The following SPATA17 variants were observed in gnomAD, a reference collection of about 807,000 sequenced individuals.
The protein encoded by SPATA17 is spermatogenesis-associated protein 17.
A neutral mutation model predicts 62.2 loss-of-function variants in SPATA17; 53 were observed. The observed-to-expected ratio is 0.85, with a 90% CI of 0.68 to 1.07. SPATA17 has a LOEUF of 1.07. Among genes scored for constraint, SPATA17 ranks in the 50% least tolerant of loss-of-function variants. The probability of loss-of-function intolerance (pLI) is 0.00; values close to 1 mark genes in which losing one functional copy is unlikely to be tolerated. For missense variants in SPATA17, 466 were observed against 425.5 expected (o/e 1.10, Z -0.84); for synonymous variants, 146 against 146.8 (o/e 0.99, Z 0.04).
At chr1:217,792,577 A>C (rs536432104) in intron 8 of SPATA17, among the ~76,000 whole-genome samples, 4 of 152,338 alleles carry the variant, frequency 2.6e-5, no homozygotes, top group Admixed American at 6.5e-5. Context: ...CCAGCTCTAG[A>C]ACCCACAGCT....
At chr1:217,704,331 A>C (rs1461507998) in intron 5 of SPATA17, among the ~76,000 whole-genome samples, 1 of 139,400 alleles carries the variant, frequency 7.2e-6, no homozygotes, top group African/African-American at 2.7e-5. Context: ...GCTCACTGCA[A>C]GCTCCGCTTC....
At chr1:217,684,322 T>A (rs1460597125) in intron 5 of SPATA17, among the ~76,000 whole-genome samples, 1 of 152,188 alleles carries the variant, frequency 6.6e-6, no homozygotes, top group Non-Finnish European at 1.5e-5. Context: ...TACATTTTGA[T>A]AAAAAAGAAA....
At chr1:217,845,668 GAAATTC>G in intron 9 of SPATA17, among the ~76,000 whole-genome samples, 1 of 152,020 alleles carries the variant, frequency 6.6e-6, no homozygotes. Flanking sequence ...TGCCCTATAA[GAAATTC>G]AATTTTAACG....
At chr1:217,722,309 A>G (rs1243725672) in intron 5 of SPATA17, among the ~76,000 whole-genome samples, 5 of 152,192 alleles carry the variant, frequency 3.3e-5, no homozygotes, top group African/African-American at 4.8e-5. Context: ...TTGAAGTAGT[A>G]ATATTTAACA....
chr1:217,662,012 C>T (rs1670582855), intron 3 of SPATA17, among the ~76,000 whole-genome samples: 1 of 152,052 alleles, frequency 6.6e-6, no homozygotes, highest in African/African-American at 2.4e-5. Context: ...GCAATAGTAC[C>T]ACAAAAATGT....
At chr1:217,752,707 G>C (rs1434691243) in intron 6 of SPATA17, among the ~76,000 whole-genome samples, 1 of 152,118 alleles carries the variant, frequency 6.6e-6, no homozygotes, top group African/African-American at 2.4e-5. Context: ...TTACACATCT[G>C]AAAGTTGGAA....
intron 3 of SPATA17, among the ~76,000 whole-genome samples, chr1:217,665,125 T>A (rs1281831874): frequency 6.6e-6 from 1 of 152,178 alleles, no homozygotes; most frequent in African/African-American, 2.4e-5. Context: ...GTAGTTCTCA[T>A]TTGTCCCCCA....
At position 217,683,284 on chromosome 1, in the gene SPATA17, G is replaced by A. The variant is rs12068167; in HGVS notation, c.318G>A (p.Arg106=). 259,037 of 1,603,578 alleles carry A rather than the reference G, an allele frequency of 0.16. 22,482 individuals carry two copies. The highest frequency in any genetic ancestry group is 0.29 in the African/African-American group (21,268 of 74,158). ...VRIQRRWRGY[R]VRKYLFNYYY... ...TTCAGAGACGATGGCGAGGCTATAG[G>A]GTTCGGAAGTACCTCTTTAATTATT... The change falls in exon 5 of 11, where the codon AGG becomes AGA. Residue 106 remains arginine (R), a synonymous_variant. Transcript: ENST00000366933.
At chr1:217,700,762 C>CA (rs774089881) in intron 5 of SPATA17, among the ~76,000 whole-genome samples, 1 of 134,822 alleles carries the variant, frequency 7.4e-6, no homozygotes, top group Non-Finnish European at 1.6e-5. Context: ...TTTTCTTTTT[C>CA]TTTTTTTTTT....
intron 5 of SPATA17, among the ~76,000 whole-genome samples, chr1:217,716,444 TA>T (rs1672005622): frequency 1.3e-5 from 2 of 152,166 alleles, no homozygotes; most frequent in Non-Finnish European, 2.9e-5. Context: ...AACTTAATTT[TA>T]AAGTCACAAT....
chr1:217,754,083 T>A (rs988218253), intron 6 of SPATA17, among the ~76,000 whole-genome samples: 1 of 151,608 alleles, frequency 6.6e-6, no homozygotes, highest in African/African-American at 2.4e-5. Context: ...AAAAAAAAAA[T>A]TATCCAGGCA....
At chr1:217,824,769 A>G (rs1418748375) in intron 9 of SPATA17, among the ~76,000 whole-genome samples, 3 of 151,036 alleles carry the variant, frequency 2.0e-5, no homozygotes, top group African/African-American at 7.2e-5. Flanking sequence ...CATTAATTTC[A>G]TACCTATGTG....
intron 3 of SPATA17, among the ~76,000 whole-genome samples, chr1:217,664,203 T>C (rs550045199): frequency 6.6e-5 from 10 of 152,022 alleles, no homozygotes; most frequent in Admixed American, 2.6e-4. Context: ...GGGAATTGAA[T>C]GTGCTGTTGA....
chr1:217,671,139 T>G (rs1670823798), intron 4 of SPATA17, among the ~76,000 whole-genome samples: 1 of 152,096 alleles, frequency 6.6e-6, no homozygotes. Flanking sequence ...CCTCCAAATT[T>G]CCATTCTTTA....
At chr1:217,656,644 G>A (rs1328726699) in intron 3 of SPATA17, among the ~76,000 whole-genome samples, 2 of 152,088 alleles carry the variant, frequency 1.3e-5, no homozygotes, top group Non-Finnish European at 2.9e-5. Context: ...AATCATAGTG[G>A]AATCTTAATA....
At chr1:217,643,174 T>C (rs557886164) in intron 1 of SPATA17, among the ~76,000 whole-genome samples, 13 of 151,820 alleles carry the variant, frequency 8.6e-5, no homozygotes, top group Middle Eastern at 3.4e-3. Flanking sequence ...TCATTCTAGT[T>C]TTTTTCTCTT....
intron 1 of SPATA17, among the ~76,000 whole-genome samples, chr1:217,639,785 C>A (rs1670016192): frequency 6.6e-6 from 1 of 151,984 alleles, no homozygotes; most frequent in South Asian, 2.1e-4. Context: ...AATAGAGGTT[C>A]TTTTTCCAGC....
At chr1:217,827,912 G>T (rs1030598615) in intron 9 of SPATA17, among the ~76,000 whole-genome samples, 3 of 152,032 alleles carry the variant, frequency 2.0e-5, no homozygotes, top group African/African-American at 7.2e-5. Context: ...AGAGCATTAG[G>T]GAAAAAAGCT....
chr1:217,866,974 G>A (rs146931410), intron 10 of SPATA17, 48 bp from the exon 11 acceptor site: 205 of 152,056 alleles, frequency 1.3e-3, no homozygotes, highest in African/African-American at 4.8e-3. Flanking sequence ...TTCCACGTCT[G>A]ATGAGTGACC....
Sources: gnomAD v4.1 joint callset for allele counts (sites outside exome capture counted in the v4.1 genomes callset) on GRCh38, gnomAD v4.1.1 for gene constraint, MANE v1.5 for transcripts, NCBI Gene and HGNC (gene_info 2026-07-23, HGNC 2026-07-21) for gene names.